Variants in YEATS2 observed in about 807,000 individuals in gnomAD.
YEATS2 encodes the protein YEATS domain containing 2.
In YEATS2, 77 loss-of-function variants were observed where a neutral mutation model predicts 163.2. That is an observed-to-expected ratio of 0.47 (90% confidence interval 0.39 to 0.57). YEATS2 has a LOEUF of 0.57. Among genes scored for constraint, YEATS2 ranks in the 20% least tolerant of loss-of-function variants. The probability of loss-of-function intolerance (pLI) is 0.00; values close to 1 mark genes in which losing one functional copy is unlikely to be tolerated. For synonymous variants in YEATS2, 631 were observed against 645.1 expected, an observed-to-expected ratio of 0.98 and a Z score of 0.33; for missense variants, 1,549 against 1,729.8, an observed-to-expected ratio of 0.90 and a Z score of 1.85.
intron 25 of YEATS2, chr3:183,802,398 G>C (rs150890688): frequency 6.5e-6 from 1 of 152,886 alleles, no homozygotes; most frequent in Non-Finnish European, 1.5e-5. Flanking sequence ...AAAGTTTGGG[G>C]GATCATTTTG....
chr3:183,785,819 G>T (rs927400963), intron 19 of YEATS2, among the ~76,000 whole-genome samples: 4 of 152,144 alleles, frequency 2.6e-5, no homozygotes, highest in Admixed American at 2.6e-4. Flanking sequence ...ACATTTAAGA[G>T]CATGTTGTAA....
chr3:183,717,578 G>C, intron 2 of YEATS2, 73 bp from the exon 3 acceptor site: 2 of 1,140,878 alleles, frequency 1.8e-6, no homozygotes, highest in South Asian at 3.1e-5. Flanking sequence ...GATTTCTTTT[G>C]TTGCTTGCTG....
chr3:183,806,460 A>T (rs911964084), intron 27 of YEATS2: 11 of 457,366 alleles, frequency 2.4e-5, no homozygotes, highest in Non-Finnish European at 3.5e-5. Context: ...TGAAATGTTA[A>T]CAGTCCTGCT....
chr3:183,805,082 C>A (rs1381831618), intron 27 of YEATS2, among the ~76,000 whole-genome samples: 2 of 150,924 alleles, frequency 1.3e-5, no homozygotes, highest in African/African-American at 2.4e-5. Flanking sequence ...GCAGAAGAAG[C>A]ATTTTGAGTT....
intron 1 of YEATS2, among the ~76,000 whole-genome samples, chr3:183,702,005 T>C (rs1483711228): frequency 6.6e-6 from 1 of 152,204 alleles, no homozygotes; most frequent in African/African-American, 2.4e-5. Context: ...TACTTTCCAA[T>C]GGGCTCATAT....
At chr3:183,708,927 C>A (rs1033090316) in intron 1 of YEATS2, among the ~76,000 whole-genome samples, 24 of 151,816 alleles carry the variant, frequency 1.6e-4, no homozygotes, top group Non-Finnish European at 3.4e-4. Flanking sequence ...TTTGGGAGGC[C>A]GAGGTGGGCG....
At position 183,761,631 on chromosome 3, in the gene YEATS2, G is replaced by T; in HGVS notation, c.1764+17G>T. The T allele has an allele frequency of 3.7e-6, 6 of 1,604,066 alleles. No individual in the cohort carries two copies. The highest frequency in any genetic ancestry group is 5.1e-6 in the Non-Finnish European group (6 of 1,170,868). On this transcript the variant is annotated intron_variant, in intron 14 of 30. Transcript: ENST00000305135. ...TTCACAAAAGTGAGTATGTATTAGG[G>T]CATTGTCCCACAAGTCATAATACTT...
In YEATS2 at chr3:183,810,404, G is replaced by A. The variant is rs1726686073; in HGVS notation, c.4161-71G>A. 7 of 1,390,920 alleles carry A rather than the reference G, an allele frequency of 5.0e-6. No homozygotes were observed. In the South Asian group the frequency reaches 8.6e-5, roughly 17 times the overall value. The allele number at this position is 1,390,920 out of a possible 1,614,324, so 86.2% of individuals were successfully genotyped here. On this transcript the variant is annotated intron_variant, in intron 30 of 30. Coordinates refer to ENST00000305135, the MANE Select transcript of YEATS2 (RefSeq NM_018023.5). Reference sequence around the variant, plus strand: ...CTGCCTGGGATGGTCCCTGTGATGAGTTAAGTGAATAAATGATGAGATATA... The same window carrying A: ...CTGCCTGGGATGGTCCCTGTGATGAATTAAGTGAATAAATGATGAGATATA...
At chr3:183,791,091 T>G in intron 21 of YEATS2, 111 bp downstream of exon 21, 2 of 1,398,018 alleles carry the variant, frequency 1.4e-6, no homozygotes, top group South Asian at 2.7e-5. Flanking sequence ...TAGAGTGCAA[T>G]ATCACAATCT....
At chr3:183,718,662 T>C in intron 4 of YEATS2, 70 bp downstream of exon 4, 1 of 1,183,640 alleles carries the variant, frequency 8.4e-7, no homozygotes, top group South Asian at 1.4e-5. Flanking sequence ...GTTATGTCAA[T>C]ATGGAATCCC....
intron 19 of YEATS2, among the ~76,000 whole-genome samples, chr3:183,784,033 G>A (rs904513599): frequency 6.6e-5 from 10 of 152,190 alleles, no homozygotes; most frequent in Admixed American, 3.9e-4. Context: ...AACCTCCCAA[G>A]TAGTTAGGAC....
intron 12 of YEATS2, 56 bp downstream of exon 12, chr3:183,756,745 G>T: frequency 1.5e-6 from 2 of 1,308,486 alleles, no homozygotes. Flanking sequence ...TATTAAAAAT[G>T]TAATCCTGCC....
chr3:183,736,571 C>T lies in YEATS2; in HGVS notation c.813-147C>T, dbSNP rs1718364299. ...TAAAATTTATCATTTTAGCAAAATT[C>T]GGCATGTTGATTTAGTTTTAAACGA... On this transcript the variant is annotated intron_variant, in intron 7 of 30. Transcript: ENST00000305135. The T allele has an allele frequency of 8.6e-6, 5 of 581,176 alleles. No individual in the cohort carries two copies. In the South Asian group the frequency reaches 1.2e-4, roughly 14 times the overall value. The allele number at this position is 581,176 out of a possible 1,614,324, so 36.0% of individuals were successfully genotyped here.
At chr3:183,704,652 C>CA (rs964386864) in intron 1 of YEATS2, among the ~76,000 whole-genome samples, 35 of 150,612 alleles carry the variant, frequency 2.3e-4, no homozygotes, top group African/African-American at 7.8e-4. Flanking sequence ...TTTTTTGAGA[C>CA]AGAGTCTCAC....
chr3:183,729,271 C>CAAAAAAAA (rs879414886), intron 7 of YEATS2, among the ~76,000 whole-genome samples: 1 of 104,202 alleles, frequency 9.6e-6, no homozygotes, highest in East Asian at 2.7e-4. Context: ...GACTCTGTCT[C>CAAAAAAAA]AAAAAAAAAA....
chr3:183,801,434 A>ATTTTTTTTTTTT, intron 24 of YEATS2, 21 bp from the exon 25 acceptor site: 1 of 1,563,850 alleles, frequency 6.4e-7, no homozygotes, highest in Non-Finnish European at 8.7e-7. Context: ...TATTGCCTTA[A>ATTTTTTTTTTTT]TTTTTTTTTA....
intron 12 of YEATS2, among the ~76,000 whole-genome samples, 185 bp from the exon 13 acceptor site, chr3:183,758,677 T>G (rs1364616672): frequency 6.1e-5 from 9 of 146,540 alleles, no homozygotes; most frequent in African/African-American, 2.0e-4. Flanking sequence ...GAGCATGAGA[T>G]CAGCTTCACA....
At position 183,718,487 on chromosome 3, in the gene YEATS2, C is replaced by T; in HGVS notation, c.199-13C>T. Reference sequence around the variant, plus strand: ...GCCGTTTTTTAAAGTAATGAGTTAACATTTGTTTTTAGCGACTGATTGAAG... The same window carrying T: ...GCCGTTTTTTAAAGTAATGAGTTAATATTTGTTTTTAGCGACTGATTGAAG... On this transcript the variant is annotated splice_polypyrimidine_tract_variant and intron_variant, in intron 3 of 30. Transcript: ENST00000305135. The T allele has an allele frequency of 6.3e-7, 1 of 1,595,506 alleles. No homozygotes were observed. The highest frequency in any genetic ancestry group is 8.5e-7 in the Non-Finnish European group (1 of 1,170,508).
At chr3:183,711,831 G>GT (rs930857871) in intron 1 of YEATS2, among the ~76,000 whole-genome samples, 4 of 147,064 alleles carry the variant, frequency 2.7e-5, no homozygotes, top group Admixed American at 2.0e-4. Flanking sequence ...TTTTTTCTTT[G>GT]TTTTTTGAGA....
Sources: gnomAD v4.1 joint callset for allele counts (sites outside exome capture counted in the v4.1 genomes callset) on GRCh38, gnomAD v4.1.1 for gene constraint, MANE v1.5 for transcripts, NCBI Gene and HGNC (gene_info 2026-07-23, HGNC 2026-07-21) for gene names.